The following ASPRV1 variants were observed in gnomAD, a reference collection of about 807,000 sequenced individuals.
ASPRV1 encodes the protein retroviral-like aspartic protease 1.
ASPRV1 carries 7 observed loss-of-function variants against 11.0 expected under a neutral mutation model. The observed-to-expected ratio is 0.64, with a 90% confidence interval of 0.36 to 1.20. ASPRV1 has a LOEUF of 1.20. ASPRV1 is among the 50% of genes most tolerant of loss of function. The pLI is 0.02. For missense variants in ASPRV1, 299 were observed against 320.0 expected (o/e 0.93, Z 0.50); for synonymous variants, 136 against 138.4 (o/e 0.98, Z 0.12).
chr2:70,062,537 G>A, the ASPRV1 span, among the ~76,000 whole-genome samples: 1 of 152,142 alleles, frequency 6.6e-6, no homozygotes, highest in Non-Finnish European at 1.5e-5. Context: ...TAGGAACAAG[G>A]CTAATGAAGA....
the ASPRV1 span, among the ~76,000 whole-genome samples, chr2:69,954,334 G>C: frequency 6.6e-6 from 1 of 152,206 alleles, no homozygotes; most frequent in Non-Finnish European, 1.5e-5. Context: ...ACATGGGTCT[G>C]AGCTGGTCCT....
chr2:69,948,519 G>A, the ASPRV1 span, among the ~76,000 whole-genome samples: 496 of 152,358 alleles, frequency 3.3e-3, 2 homozygotes, highest in African/African-American at 0.011. Context: ...TGCTTGACAG[G>A]CCGCAGTGGG....
At chr2:70,046,890 A>G in the ASPRV1 span, 1 of 152,048 alleles carries the variant, frequency 6.6e-6, no homozygotes, top group Non-Finnish European at 1.5e-5. Context: ...ATTTTGCTGC[A>G]TTTTCTTTAT....
downstream of ASPRV1, among the ~76,000 whole-genome samples, chr2:69,955,094 AGGTTACTT>A (rs1187225620): frequency 6.6e-6 from 1 of 152,122 alleles, no homozygotes; most frequent in Non-Finnish European, 1.5e-5. Flanking sequence ...TCCTTACCCG[AGGTTACTT>A]GGCAACGGTG....
At chr2:70,007,431 T>C in the ASPRV1 span, among the ~76,000 whole-genome samples, 2 of 152,088 alleles carry the variant, frequency 1.3e-5, no homozygotes, top group Admixed American at 6.6e-5. Flanking sequence ...TGAGGCAGAA[T>C]TGCTTGAACC....
chr2:70,065,409 A>G, the ASPRV1 span, among the ~76,000 whole-genome samples: 1 of 151,502 alleles, frequency 6.6e-6, no homozygotes, highest in East Asian at 1.9e-4. Flanking sequence ...AAAAAAAAAA[A>G]AAAAGACAAT....
At chr2:70,012,510 C>T in the ASPRV1 span, among the ~76,000 whole-genome samples, 2 of 152,060 alleles carry the variant, frequency 1.3e-5, no homozygotes, top group East Asian at 1.9e-4. Flanking sequence ...ATTCACTTTG[C>T]GGACATTTGC....
At chr2:70,060,471 G>A in the ASPRV1 span, among the ~76,000 whole-genome samples, 1 of 152,084 alleles carries the variant, frequency 6.6e-6, no homozygotes, top group African/African-American at 2.4e-5. Context: ...AAATTGACAT[G>A]AGAAAGGGTG....
chr2:70,072,815 G>A, the ASPRV1 span, among the ~76,000 whole-genome samples: 4 of 151,396 alleles, frequency 2.6e-5, no homozygotes, highest in Admixed American at 2.6e-4. Context: ...ACTTCAGGAG[G>A]TCAAGGCAGA....
chr2:69,935,432 G>A, the ASPRV1 span: 1 of 1,614,086 alleles, frequency 6.2e-7, no homozygotes, highest in Non-Finnish European at 8.5e-7. Flanking sequence ...ACACTACGTT[G>A]AGTTTATTAA....
At chr2:70,032,961 A>G in the ASPRV1 span, among the ~76,000 whole-genome samples, 3 of 152,136 alleles carry the variant, frequency 2.0e-5, no homozygotes. Context: ...CTTGGGGACC[A>G]CTGTTAAACA....
At chr2:70,023,907 A>G in the ASPRV1 span, among the ~76,000 whole-genome samples, 2 of 152,122 alleles carry the variant, frequency 1.3e-5, no homozygotes, top group African/African-American at 4.8e-5. Flanking sequence ...AATAGAGATG[A>G]CAAAAAAGGT....
the ASPRV1 span, among the ~76,000 whole-genome samples, chr2:69,981,236 TTATC>T: frequency 6.6e-6 from 1 of 152,190 alleles, no homozygotes; most frequent in African/African-American, 2.4e-5. Flanking sequence ...AGTATGAAAA[TTATC>T]TATATGTCCA....
the ASPRV1 span, among the ~76,000 whole-genome samples, chr2:70,028,992 C>CA: frequency 6.6e-6 from 1 of 152,118 alleles, no homozygotes; most frequent in African/African-American, 2.4e-5. Context: ...TCAACCCTGG[C>CA]ACCTAAACTT....
At chr2:70,039,041 G>T in the ASPRV1 span, among the ~76,000 whole-genome samples, 33,958 of 150,396 alleles carry the variant, frequency 0.23, 6,816 homozygotes, top group African/African-American at 0.51. Context: ...ATCATGCCAT[G>T]GCACTCCAGC....
the ASPRV1 span, among the ~76,000 whole-genome samples, chr2:70,024,027 G>A: frequency 3.3e-5 from 5 of 151,160 alleles, no homozygotes; most frequent in African/African-American, 7.3e-5. Flanking sequence ...AGGACAGGAG[G>A]ACTGCTTGAG....
chr2:69,997,064 T>C, the ASPRV1 span, among the ~76,000 whole-genome samples: 1 of 152,188 alleles, frequency 6.6e-6, no homozygotes, highest in Admixed American at 6.5e-5. Context: ...CTCACGCCTA[T>C]AGTTCCAACA....
the ASPRV1 span, chr2:69,937,417 C>G: frequency 6.3e-7 from 1 of 1,576,798 alleles, no homozygotes; most frequent in Non-Finnish European, 8.6e-7. Context: ...CACTCTCCTC[C>G]CTGTCTCCCT....
chr2:70,079,723 G>T, the ASPRV1 span, among the ~76,000 whole-genome samples: 3 of 152,184 alleles, frequency 2.0e-5, no homozygotes, highest in Non-Finnish European at 4.4e-5. Context: ...GGTGAGAAAT[G>T]ACCACTGACT....
Sources: allele counts gnomAD v4.1 joint callset (sites outside exome capture counted in the v4.1 genomes callset), GRCh38; gene constraint gnomAD v4.1.1; transcripts MANE v1.5; gene names NCBI Gene and HGNC (gene_info 2026-07-23, HGNC 2026-07-21).